Variants in CCDC136 observed in about 807,000 individuals in gnomAD.
CCDC136 encodes the protein coiled-coil domain containing 136, also known as coiled-coil domain-containing protein 136.
Under a neutral mutation model 141.2 loss-of-function variants are expected in CCDC136, and 100 were observed. The ratio of observed to expected loss-of-function variants is 0.71; its 90% CI spans 0.60 to 0.84. CCDC136 has a LOEUF of 0.84. CCDC136 is among the 40% of genes least tolerant of loss of function. The pLI is 0.00. For missense variants in CCDC136, 1,206 were observed against 1,379.4 expected, an observed-to-expected ratio of 0.87 and a Z score of 1.99; for synonymous variants, 474 against 531.9, an observed-to-expected ratio of 0.89 and a Z score of 1.50.
chr7:128,806,649 G>A, intron 8 of CCDC136, 39 bp from the exon 9 acceptor site: 2 of 1,578,536 alleles, frequency 1.3e-6, no homozygotes, highest in East Asian at 4.5e-5. Flanking sequence ...AGTGGGTTAA[G>A]GAGCCCAAAG....
chr7:128,807,799 T>G (rs1251025164), intron 10 of CCDC136: 2 of 277,032 alleles, frequency 7.2e-6, no homozygotes, highest in Non-Finnish European at 1.3e-5. Flanking sequence ...TGATTCCATG[T>G]ATGTAGACAT....
In CCDC136 at chr7:128,812,932, A is replaced by G. The variant is rs777176966; in HGVS notation, c.2763+3A>G. 6.3e-7 allele frequency: 1 copy of G among 1,596,024 alleles called. No homozygotes were observed. The highest frequency in any genetic ancestry group is 1.7e-5 in the Admixed American group (1 of 57,572). On this transcript the variant is annotated splice_donor_region_variant and intron_variant, in intron 14 of 17. Coordinates refer to ENST00000297788, the MANE Select transcript of CCDC136 (RefSeq NM_022742.5). ...CCCCCCAGAACGACAAGAATGAGGT[A>G]ACCACTGTCAGGGAGGCAGGGTTTC...
rs769198764 is a variant in CCDC136, at chr7:128,806,861, A to G, written c.1419+3A>G. The stretch of plus-strand genomic sequence containing the variant: ...CCTTCAAAGAGAGCAATGAGAAGGT[A>G]AAAGAAGCTCCTGGTGAGGGAGGAT... On this transcript the variant is annotated splice_donor_region_variant and intron_variant, in intron 9 of 17. Coordinates refer to ENST00000297788, the MANE Select transcript of CCDC136 (RefSeq NM_022742.5). 3.1e-6 allele frequency: 5 copies of G among 1,596,168 alleles called. No individual in the cohort carries two copies. In the South Asian group the frequency reaches 4.5e-5, roughly 14 times the overall value.
intron 14 of CCDC136, among the ~76,000 whole-genome samples, chr7:128,814,091 TC>T: frequency 6.6e-6 from 1 of 151,882 alleles, no homozygotes. Flanking sequence ...GTTTTGACCT[TC>T]TTTTTTTTTT....
At position 128,812,838 on chromosome 7, in the gene CCDC136, T is replaced by A; in HGVS notation, c.2672T>A (p.Leu891Gln). 1 of 1,613,240 alleles carries A rather than the reference T, an allele frequency of 6.2e-7. No homozygotes were observed. The highest frequency in any genetic ancestry group is 8.5e-7 in the Non-Finnish European group (1 of 1,179,752). The change falls in exon 14 of 18, where the codon CTG becomes CAG. Residue 891 changes from leucine (L) to glutamine (Q), a missense_variant. Leu to Gln is a moderately radical substitution (Grantham distance 113). Transcript: ENST00000297788. Reference sequence around the variant, plus strand: ...AAGTTACTGGCCAAGCAGAAAGACCTGAAGGAAGAGCTGGATGCCTGTGAA... The same window carrying A: ...AAGTTACTGGCCAAGCAGAAAGACCAGAAGGAAGAGCTGGATGCCTGTGAA... Reference protein sequence around the residue: ...MEKLLAKQKDLKEELDACERE... With the variant: ...MEKLLAKQKDQKEELDACERE...
rs1805054876 is a variant in CCDC136 at position 128,807,501 on chromosome 7, G to C, written c.1561G>C (p.Ala521Pro). Residue 521 changes from alanine to proline, a missense_variant, in exon 10 of 18, where the codon GCC becomes CCC. Transcript: ENST00000297788. ...LCQLELKELK[A>P]SHPIPEDKGK... is the part of the protein sequence containing the mutation. ...CCAGCTGGAGCTGAAAGAGCTCAAGGCCTCCCACCCCATTCCGGAGGACAA... is the reference window on the plus strand; with the variant it reads ...CCAGCTGGAGCTGAAAGAGCTCAAGCCCTCCCACCCCATTCCGGAGGACAA... 3 of 1,525,580 alleles carry C rather than the reference G, an allele frequency of 2.0e-6. No homozygotes were observed. The highest frequency in any genetic ancestry group is 2.6e-6 in the Non-Finnish European group (3 of 1,133,888). The allele number at this position is 1,525,580 out of a possible 1,614,324, so 94.5% of individuals were successfully genotyped here.
In CCDC136 at chr7:128,811,813, T is replaced by C; in HGVS notation, c.2042T>C (p.Leu681Pro). The C allele has an allele frequency of 6.3e-7, 1 of 1,582,906 alleles. No homozygotes were observed. Among genetic ancestry groups the C allele is most frequent in the South Asian group, 1.2e-5 (1 of 85,750 alleles). The change falls in exon 13 of 18, where the codon CTC becomes CCC. Residue 681 changes from leucine (L) to proline (P), a missense_variant. Physicochemically the swap from Leu to Pro is moderately conservative, Grantham distance 98. Coordinates refer to ENST00000297788, the MANE Select transcript of CCDC136 (RefSeq NM_022742.5). The stretch of plus-strand genomic sequence containing the variant: ...CCCTGCCCCCAGCAATCCAAGCTGC[T>C]CATGGAGCAGATGCAGGCCCTGCAG... ...KCNRNKQSKL[L>P]MEQMQALQVM...
intron 3 of CCDC136, among the ~76,000 whole-genome samples, chr7:128,797,577 G>A (rs1803232186): frequency 6.6e-6 from 1 of 152,188 alleles, no homozygotes; most frequent in Admixed American, 6.5e-5. Context: ...GCTAAGTCAA[G>A]TGAGATGGTC....
rs1200557396 is a variant in CCDC136, at chr7:128,794,686, C to A, written c.272-8C>A. On this transcript the variant is annotated splice_region_variant and splice_polypyrimidine_tract_variant and intron_variant, in intron 2 of 17. Transcript: ENST00000297788. This position sits in a 1 kb window ranked among gnomAD's most constrained non-coding sequence, Gnocchi z 4.3. ...CCGAGCTTGACACTGGTGCCCCTCT[C>A]CCTGCAGGGCTCCTGGAGGATGAAC... is the stretch of plus-strand genomic sequence containing the variant. 1 of 1,549,826 alleles carries A rather than the reference C, an allele frequency of 6.5e-7. No homozygotes were observed. Among genetic ancestry groups the A allele is most frequent in the Non-Finnish European group, 8.7e-7 (1 of 1,146,008 alleles).
At position 128,821,936 on chromosome 7, in the gene CCDC136, A is replaced by G. The variant is rs1182963925; in HGVS notation, c.*143A>G. On this transcript the variant is annotated 3_prime_UTR_variant, in exon 18 of 18. Coordinates refer to ENST00000297788, the MANE Select transcript of CCDC136 (RefSeq NM_022742.5). This position sits in a 1 kb window ranked among gnomAD's most constrained non-coding sequence, Gnocchi z 5.1. ...GGCAGACCTTGGCCAGCGCGAGGGC[A>G]GATCCCCAGTGGCCACCACCCTCAG... 8.5e-6 allele frequency: 11 copies of G among 1,289,656 alleles called. No individual in the cohort carries two copies. Among genetic ancestry groups the G allele is most frequent in the Non-Finnish European group, 1.1e-5 (11 of 988,840 alleles). The allele number at this position is 1,289,656 out of a possible 1,614,324, so 79.9% of individuals were successfully genotyped here.
chr7:128,819,015 A>T (rs866661337), intron 17 of CCDC136, among the ~76,000 whole-genome samples: 1 of 151,956 alleles, frequency 6.6e-6, no homozygotes, highest in African/African-American at 2.4e-5. Context: ...CCTGTTACTC[A>T]TCTTCAAGCC....
At chr7:128,791,826 A>ACCCTACACCTCCTGCAGC (rs1802208788), upstream of CCDC136, 5 of 381,956 alleles carry the variant, frequency 1.3e-5, no homozygotes, top group African/African-American at 4.2e-5. The surrounding 1 kb of genome is among the most constrained non-coding windows in gnomAD (Gnocchi z 7.1). Context: ...GGGACTGCAG[A>ACCCTACACCTCCTGCAGC]CCCTACACCT....
chr7:128,815,649 G>A lies in CCDC136; in HGVS notation c.3081G>A (p.Gln1027=), dbSNP rs1806484360. The part of the protein sequence containing the change: ...LEVVLYYKAS[Q]RKLDGLAKEE... ...TAGTGCTGTACTACAAGGCCAGCCA[G>A]AGGAAATTAGATGGACTAGCAAAAG... is the stretch of plus-strand genomic sequence containing the variant. Residue 1027 remains glutamine (Q), a synonymous_variant, in exon 16 of 18, where the codon CAG becomes CAA. Transcript: ENST00000297788. The A allele has an allele frequency of 6.4e-7, 1 of 1,556,306 alleles. No homozygotes were observed. Among genetic ancestry groups the A allele is most frequent in the Admixed American group, 1.9e-5 (1 of 51,386 alleles).
rs755587510 is a variant in CCDC136, at chr7:128,812,258, G to A, written c.2487G>A (p.Lys829=). 3.7e-6 allele frequency: 6 copies of A among 1,613,606 alleles called. No homozygotes were observed. Among genetic ancestry groups the A allele is most frequent in the Admixed American group, 3.3e-5 (2 of 59,950 alleles). The change falls in exon 13 of 18, where the codon AAG becomes AAA. Residue 829 remains lysine (K), a synonymous_variant. Coordinates refer to ENST00000297788, the MANE Select transcript of CCDC136 (RefSeq NM_022742.5). ...CCAGTAGCTCTGACACCTGCCAGAA[G>A]AGTTTTGTCAGCAGCTGCACTGACG... The part of the protein sequence containing the change: ...GSTSSSDTCQ[K]SFVSSCTDEE...
rs1562917684 is a variant in CCDC136, at chr7:128,805,719, T to C, written c.949-42T>C. 2.5e-6 allele frequency: 4 copies of C among 1,606,046 alleles called. No individual in the cohort carries two copies. Among genetic ancestry groups the C allele is most frequent in the Non-Finnish European group, 3.4e-6 (4 of 1,175,768 alleles). On this transcript the variant is annotated intron_variant, in intron 6 of 17. Transcript: ENST00000297788. The surrounding 1 kb of genome is among the most constrained non-coding windows in gnomAD (Gnocchi z 4.6). ...AAGCTTGTTCTTGGAGCATATGTGG[T>C]ATCTGTAGTAAACAAGCCTCCCTGT...
rs750554557 is a variant in CCDC136 at position 128,794,449 on chromosome 7, G to C, written c.118G>C (p.Val40Leu). ...EEEQVQKGGSVGSLSVNKHRG... is the reference protein window; with the variant it reads ...EEEQVQKGGSLGSLSVNKHRG... ...AGAACAAGTGCAGAAAGGTGGCAGTGTTGGCTCTCTGTCAGTCAACAAGCA... is the reference window on the plus strand; with the variant it reads ...AGAACAAGTGCAGAAAGGTGGCAGTCTTGGCTCTCTGTCAGTCAACAAGCA... Residue 40 changes from valine (V) to leucine (L), a missense_variant, in exon 2 of 18, where the codon GTT becomes CTT. By Grantham distance (32) the Val-to-Leu change is conservative (BLOSUM62 1). Transcript: ENST00000297788. The surrounding 1 kb of genome is among the most constrained non-coding windows in gnomAD (Gnocchi z 4.3). 13 of 1,552,614 alleles carry C rather than the reference G, an allele frequency of 8.4e-6. No homozygotes were observed. The highest frequency in any genetic ancestry group is 1.0e-5 in the Non-Finnish European group (12 of 1,147,348).
chr7:128,792,038 C>T lies in CCDC136; in HGVS notation c.-374C>T. The T allele has an allele frequency of 7.9e-7, 1 of 1,262,826 alleles. No homozygotes were observed. The highest frequency in any genetic ancestry group is 1.0e-6 in the Non-Finnish European group (1 of 1,001,882). 78.2% of individuals were successfully genotyped at this position (1,262,826 alleles called of 1,614,324 possible). On this transcript the variant is annotated 5_prime_UTR_variant, in exon 1 of 18. Transcript: ENST00000297788. ...CTCCCGCCCTCTTTCAGTCTTGGCC[C>T]TCTCCTCCCTGTCCCCCCGGACTAA... is the stretch of plus-strand genomic sequence containing the variant.
In CCDC136 at chr7:128,812,034, A is replaced by G. The variant is rs1022841669; in HGVS notation, c.2263A>G (p.Asn755Asp). The G allele has an allele frequency of 6.2e-7, 1 of 1,613,926 alleles. No individual in the cohort carries two copies. The highest frequency in any genetic ancestry group is 8.5e-7 in the Non-Finnish European group (1 of 1,179,896). Reference sequence around the variant, plus strand: ...GAGCTATGGTAGCATGGTCCCCAGCAATGAGAACTGTCGCAAGACTTATGA... The same window carrying G: ...GAGCTATGGTAGCATGGTCCCCAGCGATGAGAACTGTCGCAAGACTTATGA... ...GKSYGSMVPSNENCRKTYDTT... is the reference protein window; with the variant it reads ...GKSYGSMVPSDENCRKTYDTT... Residue 755 changes from asparagine to aspartate, a missense_variant, in exon 13 of 18, where the codon AAT (asparagine) becomes GAT (aspartate). Transcript: ENST00000297788.
chr7:128,811,952 G>A lies in CCDC136; in HGVS notation c.2181G>A (p.Met727Ile), dbSNP rs1805795776. 1.2e-6 allele frequency: 2 copies of A among 1,613,908 alleles called. No individual in the cohort carries two copies. The highest frequency in any genetic ancestry group is 1.7e-6 in the Non-Finnish European group (2 of 1,179,902). Reference protein sequence around the residue: ...QADLQLCLEEMQLLQVQSPSI... With the variant: ...QADLQLCLEEIQLLQVQSPSI... ...ACTTGCAGCTCTGCCTGGAAGAAAT[G>A]CAGCTGCTTCAAGTCCAGTCCCCTT... Residue 727 changes from methionine (M) to isoleucine (I), a missense_variant, in exon 13 of 18, where the codon ATG becomes ATA. By Grantham distance (10) the Met-to-Ile change is conservative (BLOSUM62 1). Transcript: ENST00000297788.
Sources: gnomAD v4.1 joint callset for allele counts (sites outside exome capture counted in the v4.1 genomes callset) on GRCh38, gnomAD v4.1.1 for gene constraint, Gnocchi (gnomAD v3.1) non-coding constraint, MANE v1.5 for transcripts, NCBI Gene and HGNC (gene_info 2026-07-23, HGNC 2026-07-21) for gene names.